TENT4B: variants seen among roughly 807,000 people sequenced by gnomAD.
TENT4B encodes the protein terminal nucleotidyltransferase 4B, also known as PAP associated domain containing 5.
TENT4B carries 10 observed loss-of-function variants against 75.0 expected under a neutral mutation model. The ratio of observed to expected loss-of-function variants is 0.13; its 90% CI spans 0.08 to 0.23. The LOEUF (loss-of-function observed/expected upper bound fraction) is 0.23, where lower values mean the gene tolerates loss of function less well. Among genes scored for constraint, TENT4B ranks in the 10% least tolerant of loss-of-function variants. The pLI, the probability that TENT4B is intolerant of heterozygous loss-of-function variation, is 1.00. For synonymous variants in TENT4B, 350 were observed against 357.7 expected, an observed-to-expected ratio of 0.98 and a Z score of 0.24; for missense variants, 579 against 893.8, an observed-to-expected ratio of 0.65 and a Z score of 4.49.
At position 50,229,970 on chromosome 16, in the gene TENT4B, C is replaced by T. The variant is rs373584866; in HGVS notation, c.*642C>T. On this transcript the variant is annotated 3_prime_UTR_variant, in exon 12 of 12. Transcript: ENST00000561678. Reference sequence around the variant, plus strand: ...AAAATAATCTAAATTGTCATCTTAACATCCATATATAGGGAAGTGATTAGT... The same window carrying T: ...AAAATAATCTAAATTGTCATCTTAATATCCATATATAGGGAAGTGATTAGT... 2.1e-6 allele frequency: 2 copies of T among 951,342 alleles called. No individual in the cohort carries two copies. The highest frequency in any genetic ancestry group is 1.2e-4 in the East Asian group (1 of 8,648). 58.9% of individuals were successfully genotyped at this position (951,342 alleles called of 1,614,324 possible). A position where few individuals can be genotyped will look rare whatever the true frequency, so the allele number is the denominator to read the frequency against.
chr16:50,193,551 G>T (rs1296757909), intron 1 of TENT4B, among the ~76,000 whole-genome samples: 3 of 151,940 alleles, frequency 2.0e-5, no homozygotes, highest in African/African-American at 7.3e-5. Context: ...TGTTTGCTAG[G>T]ATGGTCTCGA....
chr16:50,200,142 G>T (rs1333330360), intron 1 of TENT4B, among the ~76,000 whole-genome samples: 1 of 152,156 alleles, frequency 6.6e-6, no homozygotes, highest in African/African-American at 2.4e-5. Context: ...GAGACAGGAG[G>T]ATCCCTTGAA....
At chr16:50,225,061 G>A in intron 9 of TENT4B, 37 bp from the exon 10 acceptor site, 1 of 1,607,472 alleles carries the variant, frequency 6.2e-7, no homozygotes, top group Non-Finnish European at 8.5e-7. Context: ...GCGTTTAATG[G>A]GAAGAAACGT....
At chr16:50,166,061 C>T (rs1158211861) in intron 1 of TENT4B, among the ~76,000 whole-genome samples, 4 of 148,242 alleles carry the variant, frequency 2.7e-5, no homozygotes, top group African/African-American at 9.9e-5. Flanking sequence ...TTTCCAATTT[C>T]TCCACATACT....
chr16:50,155,641 TCA>T (rs753137829), intron 1 of TENT4B, among the ~76,000 whole-genome samples: 4 of 152,118 alleles, frequency 2.6e-5, no homozygotes, highest in Non-Finnish European at 5.9e-5. Flanking sequence ...AAACCTGCCC[TCA>T]CATTCCAGAA....
Position 50,231,864 on chromosome 16 carries a change from CTATT to C in TENT4B, c.*2538_*2541del, listed in dbSNP as rs2150756333. The C allele has an allele frequency of 1.0e-6, 1 of 983,006 alleles. No homozygotes were observed. Among genetic ancestry groups the C allele is most frequent in the Non-Finnish European group, 1.2e-6 (1 of 827,594 alleles). 60.9% of individuals were successfully genotyped at this position (983,006 alleles called of 1,614,324 possible). A position where few individuals can be genotyped will look rare whatever the true frequency, so the allele number is the denominator to read the frequency against. ...TGCTCATTTGTTTTATACATTTCAT[CTATT>C]TGACTCCTATCTTATTTCTTTTTTG... is the stretch of plus-strand genomic sequence containing the variant. On this transcript the variant is annotated 3_prime_UTR_variant, in exon 12 of 12. Coordinates refer to ENST00000561678, the MANE Select transcript of TENT4B (RefSeq NM_001365324.3).
At chr16:50,172,268 T>A (rs926560004) in intron 1 of TENT4B, among the ~76,000 whole-genome samples, 2 of 151,486 alleles carry the variant, frequency 1.3e-5, no homozygotes, top group Non-Finnish European at 2.9e-5. Context: ...GGCAGGAGAA[T>A]TGGGAGGCAG....
chr16:50,223,237 T>C lies in TENT4B; in HGVS notation c.1231T>C (p.Phe411Leu). ...CTATGGTGTTCTCTTAATAGAATTT[T>C]TTGAATTATATGGACGACACTTCAA... ...TNYGVLLIEF[F>L]ELYGRHFNYL... The change falls in exon 7 of 12, where the codon TTT becomes CTT. Residue 411 changes from phenylalanine (F) to leucine (L), a missense_variant. Phe to Leu is a conservative substitution (Grantham distance 22). Around this residue, in one of 7 missense-constraint regions of TENT4B, gnomAD observed 71 missense variants for 210.6 expected, o/e 0.34. Transcript: ENST00000561678. 6.2e-7 allele frequency: 1 copy of C among 1,613,882 alleles called. No individual in the cohort carries two copies. Among genetic ancestry groups the C allele is most frequent in the Non-Finnish European group, 8.5e-7 (1 of 1,179,774 alleles).
chr16:50,217,499 G>A, intron 4 of TENT4B, 57 bp from the exon 5 acceptor site: 1 of 956,094 alleles, frequency 1.0e-6, no homozygotes, highest in Non-Finnish European at 1.5e-6. Context: ...TCCATCCCCT[G>A]ATTTTATCAT....
intron 1 of TENT4B, among the ~76,000 whole-genome samples, chr16:50,196,070 A>G: frequency 6.6e-6 from 1 of 152,240 alleles, no homozygotes; most frequent in East Asian, 1.9e-4. Flanking sequence ...TAACTTCTGT[A>G]GACAGCAAAG....
At chr16:50,160,105 G>A (rs560662666) in intron 1 of TENT4B, among the ~76,000 whole-genome samples, 21 of 152,002 alleles carry the variant, frequency 1.4e-4, no homozygotes, top group Non-Finnish European at 2.6e-4. Context: ...CGCCGTGTTG[G>A]CCAGGCTGGT....
intron 5 of TENT4B, among the ~76,000 whole-genome samples, chr16:50,221,836 T>A (rs1186139752): frequency 6.6e-6 from 1 of 152,010 alleles, no homozygotes; most frequent in Non-Finnish European, 1.5e-5. Context: ...CGATCTCGCC[T>A]CACTACATCC....
At chr16:50,176,970 C>T (rs1360116302) in intron 1 of TENT4B, among the ~76,000 whole-genome samples, 1 of 151,036 alleles carries the variant, frequency 6.6e-6, no homozygotes, top group East Asian at 1.9e-4. Context: ...AATATTTCCT[C>T]TGCTTCTGTT....
At chr16:50,206,753 G>T (rs1454400971) in intron 1 of TENT4B, among the ~76,000 whole-genome samples, 1 of 152,088 alleles carries the variant, frequency 6.6e-6, no homozygotes, top group Admixed American at 6.6e-5. Flanking sequence ...CTCACAGTGT[G>T]CCCAGGGTGG....
At chr16:50,167,953 A>G (rs2038134366) in intron 1 of TENT4B, among the ~76,000 whole-genome samples, 2 of 151,956 alleles carry the variant, frequency 1.3e-5, no homozygotes, top group African/African-American at 2.4e-5. Flanking sequence ...CACCACGCCC[A>G]GCCTGTTTTG....
rs571516159 is a variant in TENT4B at position 50,210,369 on chromosome 16, CCCTTGAAGGCAT to C, written c.639-949_639-938del. 2.1e-3 allele frequency among the ~76,000 whole-genome samples: 322 copies of C among 152,350 alleles called. 1 individual carries two copies. The highest frequency in any genetic ancestry group is 0.02 in the Middle Eastern group (6 of 294). ...TTTCCCCCAGTCCCTCAGGCTTCAG[CCCTTGAAGGCAT>C]CCTTAGCCCCCCACCACCATGATAG... On this transcript the variant is annotated intron_variant, in intron 1 of 11. Transcript: ENST00000561678.
rs2150656575 is a variant in TENT4B, at chr16:50,153,720, C to G, written c.99C>G (p.Leu33=). The change falls in exon 1 of 12, where the codon CTC becomes CTG. Residue 33 remains leucine, a synonymous_variant. Coordinates refer to ENST00000561678, the MANE Select transcript of TENT4B (RefSeq NM_001365324.3). Reference sequence around the variant, plus strand: ...AGACGACCCAGGGGCTGAGGAACCTCTACTTCAACCACCACTGTCACAGCA... The same window carrying G: ...AGACGACCCAGGGGCTGAGGAACCTGTACTTCAACCACCACTGTCACAGCA... The part of the protein sequence containing the change: ...IWETTQGLRN[L]YFNHHCHSSG... 9.5e-7 allele frequency: 1 copy of G among 1,047,162 alleles called. No individual in the cohort carries two copies. Among genetic ancestry groups the G allele is most frequent in the East Asian group, 8.1e-5 (1 of 12,334 alleles). 64.9% of individuals were successfully genotyped at this position (1,047,162 alleles called of 1,614,324 possible). A position where few individuals can be genotyped will look rare whatever the true frequency, so the allele number is the denominator to read the frequency against.
In TENT4B at chr16:50,153,729, C is replaced by T. The variant is rs910174905; in HGVS notation, c.108C>T (p.Asn36=). 4.3e-5 allele frequency: 45 copies of T among 1,050,420 alleles called. No individual in the cohort carries two copies. Among genetic ancestry groups the T allele is most frequent in the African/African-American group, 6.9e-5 (4 of 58,030 alleles). 65.1% of individuals were successfully genotyped at this position (1,050,420 alleles called of 1,614,324 possible). A position where few individuals can be genotyped will look rare whatever the true frequency, so the allele number is the denominator to read the frequency against. ...TTQGLRNLYF[N]HHCHSSGGAS... ...AGGGGCTGAGGAACCTCTACTTCAA[C>T]CACCACTGTCACAGCAGCGGCGGCG... The change falls in exon 1 of 12, where the codon AAC becomes AAT. Residue 36 remains asparagine, a synonymous_variant. Transcript: ENST00000561678.
intron 1 of TENT4B, among the ~76,000 whole-genome samples, chr16:50,199,893 C>G (rs2030525795): frequency 6.6e-6 from 1 of 152,170 alleles, no homozygotes; most frequent in South Asian, 2.1e-4. Flanking sequence ...TCTCCTCAGC[C>G]TCCTGGGTAA....
Sources: gnomAD v4.1 joint callset for allele counts (sites outside exome capture counted in the v4.1 genomes callset) on GRCh38, gnomAD v4.1.1 for gene constraint, gnomAD v4.1.1 regional missense constraint, MANE v1.5 for transcripts, NCBI Gene and HGNC (gene_info 2026-07-23, HGNC 2026-07-21) for gene names.